The following GUCY1A2 variants were observed in gnomAD, a reference collection of about 807,000 sequenced individuals.
GUCY1A2 encodes guanylate cyclase soluble subunit alpha-2.
GUCY1A2 carries 27 observed loss-of-function variants against 63.5 expected under a neutral mutation model. That is an observed-to-expected ratio of 0.43 (90% CI 0.31 to 0.59). The LOEUF is 0.59. Ranked by LOEUF, GUCY1A2 falls within the 20% of genes least tolerant of loss-of-function variation. The probability of loss-of-function intolerance (pLI) is 0.11; values close to 1 mark genes in which losing one functional copy is unlikely to be tolerated. For synonymous variants in GUCY1A2, 364 were observed against 343.5 expected, an observed-to-expected ratio of 1.06 and a Z score of -0.66; for missense variants, 768 against 913.3, an observed-to-expected ratio of 0.84 and a Z score of 2.05.
At chr11:106,895,586 A>AAG (rs1860036238) in intron 4 of GUCY1A2, among the ~76,000 whole-genome samples, 1 of 152,152 alleles carries the variant, frequency 6.6e-6, no homozygotes, top group African/African-American at 2.4e-5. Flanking sequence ...CTGCCATGTA[A>AAG]GACATACCTT....
intron 5 of GUCY1A2, among the ~76,000 whole-genome samples, chr11:106,808,237 A>G (rs1858717874): frequency 6.6e-6 from 1 of 152,104 alleles, no homozygotes; most frequent in Non-Finnish European, 1.5e-5. Flanking sequence ...AGTTTAAGAA[A>G]AGTTGTGAAC....
intron 4 of GUCY1A2, among the ~76,000 whole-genome samples, chr11:106,910,403 C>G (rs902611549): frequency 6.6e-6 from 1 of 151,860 alleles, no homozygotes; most frequent in Admixed American, 6.6e-5. Context: ...AAGTATACTA[C>G]GCAGCTCTAG....
chr11:106,939,760 CATG>C lies in GUCY1A2; in HGVS notation c.903_905del (p.Ile301del). 1.9e-6 allele frequency: 3 copies of C among 1,614,030 alleles called. No homozygotes were observed. Among genetic ancestry groups the C allele is most frequent in the South Asian group, 2.2e-5 (2 of 91,076 alleles). ...GGGAGGTTCCCTGTGGAAGGTTCTT[CATG>C]ATATTAGTATTTTCACATTCTTTGA... On this transcript the variant is annotated inframe_deletion, in exon 4 of 8. Transcript: ENST00000526355.
intron 4 of GUCY1A2, among the ~76,000 whole-genome samples, chr11:106,932,392 A>T (rs527999583): frequency 5.7e-4 from 87 of 152,020 alleles, no homozygotes; most frequent in African/African-American, 1.9e-3. Context: ...TGGTTCATTT[A>T]AAAAAAATAC....
intron 5 of GUCY1A2, among the ~76,000 whole-genome samples, chr11:106,781,112 C>CAAAAAAAAAAA (rs565279937): frequency 2.1e-4 from 19 of 89,016 alleles, no homozygotes; most frequent in South Asian, 7.7e-4. Context: ...AAACAGACTA[C>CAAAAAAAAAAA]AAAAAAAAAA....
rs530427639 is a variant in GUCY1A2 at position 106,743,186 on chromosome 11, C to T, written c.1836+33253G>A. On this transcript the variant is annotated intron_variant, in intron 6 of 7. Transcript: ENST00000526355. Reference sequence around the variant, plus strand: ...GAGCTCAGGCTTTTGTCAGCTTTCACGTGACTCCTATGGTCACCTCCTAAC... The same window carrying T: ...GAGCTCAGGCTTTTGTCAGCTTTCATGTGACTCCTATGGTCACCTCCTAAC... Among the ~76,000 whole-genome samples the T allele has an allele frequency of 1.2e-3, 177 of 152,240 alleles. 1 individual carries two copies. The highest frequency in any genetic ancestry group is 4.1e-3 in the African/African-American group (171 of 41,546).
chr11:106,972,566 A>T (rs921304082), intron 3 of GUCY1A2, among the ~76,000 whole-genome samples: 13 of 152,096 alleles, frequency 8.5e-5, no homozygotes, highest in East Asian at 1.9e-4. Context: ...TAAAATTAAG[A>T]AAAAGGACTG....
At chr11:106,766,987 C>T (rs553556559) in intron 6 of GUCY1A2, among the ~76,000 whole-genome samples, 1 of 152,118 alleles carries the variant, frequency 6.6e-6, no homozygotes, top group South Asian at 2.1e-4. Flanking sequence ...AATAAAAACA[C>T]GAGCTTCCTA....
At chr11:106,783,682 T>C (rs1864506378) in intron 5 of GUCY1A2, among the ~76,000 whole-genome samples, 1 of 152,170 alleles carries the variant, frequency 6.6e-6, no homozygotes, top group Non-Finnish European at 1.5e-5. Flanking sequence ...TCTAACCCCA[T>C]ATTGTTTAAT....
chr11:106,995,584 A>T (rs1216558265), intron 1 of GUCY1A2, among the ~76,000 whole-genome samples: 1 of 152,220 alleles, frequency 6.6e-6, no homozygotes, highest in African/African-American at 2.4e-5. Flanking sequence ...AAATGGGAAA[A>T]TTCCTGAATA....
At chr11:106,806,170 T>C (rs888277875) in intron 5 of GUCY1A2, among the ~76,000 whole-genome samples, 17 of 152,174 alleles carry the variant, frequency 1.1e-4, no homozygotes, top group Non-Finnish European at 2.2e-4. Context: ...GAAGTTCTAA[T>C]GGCAGCTAAT....
intron 7 of GUCY1A2, among the ~76,000 whole-genome samples, chr11:106,704,141 C>T (rs1057159685): frequency 6.6e-6 from 1 of 152,124 alleles, no homozygotes; most frequent in Non-Finnish European, 1.5e-5. Context: ...CTCAAATTTC[C>T]AGATGAGGTC....
At chr11:106,913,356 G>T (rs560017965) in intron 4 of GUCY1A2, among the ~76,000 whole-genome samples, 1 of 152,244 alleles carries the variant, frequency 6.6e-6, no homozygotes, top group South Asian at 2.1e-4. Flanking sequence ...TCTGCCATTA[G>T]TGGAAAGGAG....
chr11:106,850,364 C>A (rs1370702323), intron 4 of GUCY1A2, among the ~76,000 whole-genome samples: 1 of 151,532 alleles, frequency 6.6e-6, no homozygotes, highest in African/African-American at 2.4e-5. Context: ...ATTCAAAATC[C>A]TCTCATCTAG....
At chr11:106,729,754 T>A (rs1863468125) in intron 6 of GUCY1A2, among the ~76,000 whole-genome samples, 1 of 152,054 alleles carries the variant, frequency 6.6e-6, no homozygotes, top group Non-Finnish European at 1.5e-5. Context: ...GAAAATATCT[T>A]GATATTGTTT....
At position 107,013,313 on chromosome 11, in the gene GUCY1A2, T is replaced by C. The variant is rs12273410; in HGVS notation, c.303+4440A>G. On this transcript the variant is annotated intron_variant, in intron 1 of 7. Coordinates refer to ENST00000526355, the MANE Select transcript of GUCY1A2 (RefSeq NM_000855.3). The stretch of plus-strand genomic sequence containing the variant: ...TTGCCCTTATATGACTCTAGTGGTG[T>C]ATCTTCACTGACAGGCTGACACCAG... 2.6e-5 allele frequency among the ~76,000 whole-genome samples: 4 copies of C among 152,242 alleles called. No homozygotes were observed. The East Asian group carries it at 5.8e-4, about 22-fold the overall frequency.
chr11:106,887,850 GAATTA>G (rs1335835680), intron 4 of GUCY1A2, among the ~76,000 whole-genome samples: 1 of 152,160 alleles, frequency 6.6e-6, no homozygotes, highest in Non-Finnish European at 1.5e-5. Flanking sequence ...AAAAGCCAGG[GAATTA>G]GGTCTCTTGA....
chr11:106,961,307 G>A lies in GUCY1A2; in HGVS notation c.487+17312C>T, dbSNP rs1309774196. On this transcript the variant is annotated intron_variant, in intron 3 of 7. Coordinates refer to ENST00000526355, the MANE Select transcript of GUCY1A2 (RefSeq NM_000855.3). ...TTAAAAACACAAGCAGAAGCAGGAAGAAAACAGCACCAGAGACTTAGTTTA... is the reference window on the plus strand; with the variant it reads ...TTAAAAACACAAGCAGAAGCAGGAAAAAAACAGCACCAGAGACTTAGTTTA... 2.0e-5 allele frequency among the ~76,000 whole-genome samples: 3 copies of A among 152,036 alleles called. No individual in the cohort carries two copies. The East Asian group carries it at 5.8e-4, about 30-fold the overall frequency.
chr11:106,994,290 C>T (rs527764913), intron 1 of GUCY1A2, among the ~76,000 whole-genome samples: 2 of 152,316 alleles, frequency 1.3e-5, no homozygotes, highest in African/African-American at 2.4e-5. Context: ...TGCATGTTTG[C>T]TTTCCCAGTA....
Sources: allele counts gnomAD v4.1 joint callset (sites outside exome capture counted in the v4.1 genomes callset), GRCh38; gene constraint gnomAD v4.1.1; transcripts MANE v1.5; gene names NCBI Gene and HGNC (gene_info 2026-07-23, HGNC 2026-07-21).